The following GNAL variants were observed in gnomAD, a reference collection of about 807,000 sequenced individuals.
The protein encoded by GNAL is guanine nucleotide-binding protein G(olf) subunit alpha.
In GNAL, 18 loss-of-function variants were observed where a neutral mutation model predicts 55.1. The observed-to-expected ratio is 0.33, with a 90% CI of 0.23 to 0.48. GNAL has a LOEUF of 0.48. GNAL is among the 20% of genes least tolerant of loss of function. The pLI is 0.99. For synonymous variants in GNAL, 253 were observed against 237.0 expected (o/e 1.07, Z -0.62); for missense variants, 412 against 614.1 (o/e 0.67, Z 3.48).
chr18:11,842,593 A>G lies in GNAL; in HGVS notation c.722+17578A>G, dbSNP rs528942763. On this transcript the variant is annotated intron_variant, in intron 5 of 11. Transcript: ENST00000334049. The stretch of plus-strand genomic sequence containing the variant: ...CATCAGGCATTCGATTCTCATAAGG[A>G]GCATGCAACCTAGATCCCTCACATG... Among the ~76,000 whole-genome samples the G allele has an allele frequency of 1.3e-3, 190 of 151,988 alleles. 1 individual carries two copies. The highest frequency in any genetic ancestry group is 2.0e-3 in the Non-Finnish European group (139 of 67,994).
At chr18:11,877,739 C>G (rs2036566787) in intron 11 of GNAL, among the ~76,000 whole-genome samples, 1 of 152,212 alleles carries the variant, frequency 6.6e-6, no homozygotes, top group Non-Finnish European at 1.5e-5. Flanking sequence ...GGGACCGGCA[C>G]TCCAGCCTGG....
In GNAL at chr18:11,866,272, C is replaced by T. The variant is rs79694035; in HGVS notation, c.852-896C>T. ...TCATCAAGTATCTCAGCGTGCCCCA[C>T]GTGTGCTAATGTAAAGCGTACGGAT... On this transcript the variant is annotated intron_variant, in intron 7 of 11. Coordinates refer to ENST00000334049, the MANE Select transcript of GNAL (RefSeq NM_182978.4). Among the ~76,000 whole-genome samples the T allele has an allele frequency of 4.6e-3, 693 of 150,350 alleles. 84 individuals are homozygous for T. Among genetic ancestry groups the T allele is most frequent in the African/African-American group, 0.017 (661 of 39,648 alleles).
intron 4 of GNAL, among the ~76,000 whole-genome samples, chr18:11,767,004 G>A (rs2033427236): frequency 6.6e-6 from 1 of 152,174 alleles, no homozygotes; most frequent in Admixed American, 6.5e-5. Flanking sequence ...TGTTCAATCT[G>A]TACCCAACCT....
chr18:11,753,909 G>C lies in GNAL; in HGVS notation c.588G>C (p.Lys196Asn). Residue 196 changes from lysine to asparagine, a missense_variant, in exon 4 of 12, where the codon AAG becomes AAC. Around this residue, in one of 5 missense-constraint regions of GNAL, gnomAD observed 47 missense variants for 82.7 expected, o/e 0.57. Coordinates refer to ENST00000334049, the MANE Select transcript of GNAL (RefSeq NM_182978.4). Reference sequence around the variant, plus strand: ...ACCAATTTCGATCAGACTACATCAAGAGCATAGCCCCTATCACTGACTTTG... The same window carrying C: ...ACCAATTTCGATCAGACTACATCAACAGCATAGCCCCTATCACTGACTTTG... Reference protein sequence around the residue: ...PENQFRSDYIKSIAPITDFEY... With the variant: ...PENQFRSDYINSIAPITDFEY... The C allele has an allele frequency of 6.2e-7, 1 of 1,609,784 alleles. No individual in the cohort carries two copies. Among genetic ancestry groups the C allele is most frequent in the Non-Finnish European group, 8.5e-7 (1 of 1,176,116 alleles).
chr18:11,844,361 G>A (rs1437197087), intron 5 of GNAL, among the ~76,000 whole-genome samples: 3 of 151,498 alleles, frequency 2.0e-5, no homozygotes, highest in Non-Finnish European at 2.9e-5. Context: ...TTGAACCCGG[G>A]AAGCAGAGGT....
intron 4 of GNAL, among the ~76,000 whole-genome samples, chr18:11,775,097 CTTCT>C (rs1328384706): frequency 6.6e-6 from 1 of 152,198 alleles, no homozygotes; most frequent in Non-Finnish European, 1.5e-5. Context: ...TGACTAATGG[CTTCT>C]TTCTAATTCC....
intron 11 of GNAL, among the ~76,000 whole-genome samples, chr18:11,880,381 C>T (rs1037170454): frequency 3.3e-5 from 5 of 152,002 alleles, no homozygotes; most frequent in South Asian, 2.1e-4. Flanking sequence ...CCAGCCTGGC[C>T]AACATGGTGA....
At chr18:11,695,042 C>T (rs558208902) in intron 1 of GNAL, among the ~76,000 whole-genome samples, 1 of 151,986 alleles carries the variant, frequency 6.6e-6, no homozygotes, top group East Asian at 1.9e-4. Flanking sequence ...TGTCCAAATA[C>T]AGTCATGTGG....
intron 1 of GNAL, among the ~76,000 whole-genome samples, chr18:11,748,229 C>T (rs1468618371): frequency 6.6e-6 from 1 of 152,134 alleles, no homozygotes; most frequent in Non-Finnish European, 1.5e-5. Context: ...AAGGAAAGTG[C>T]TTTTATGTTT....
intron 4 of GNAL, among the ~76,000 whole-genome samples, chr18:11,773,468 C>G (rs939199569): frequency 4.6e-5 from 7 of 152,008 alleles, no homozygotes; most frequent in Admixed American, 2.6e-4. Flanking sequence ...AAAATAGTAC[C>G]AAAAATCTCA....
chr18:11,742,340 T>C (rs568528707), intron 1 of GNAL, among the ~76,000 whole-genome samples: 26 of 152,054 alleles, frequency 1.7e-4, no homozygotes, highest in African/African-American at 5.8e-4. Context: ...TCTATTCCTA[T>C]TGAATGATCG....
chr18:11,846,522 C>G (rs905689286), intron 5 of GNAL, among the ~76,000 whole-genome samples: 1 of 150,608 alleles, frequency 6.6e-6, no homozygotes, highest in Non-Finnish European at 1.5e-5. Context: ...GGCTGGAATA[C>G]AGTGGCATGA....
Position 11,868,734 on chromosome 18 carries a change from C to G in GNAL, c.1031+71C>G, listed in dbSNP as rs1188780543. 2.2e-6 allele frequency: 3 copies of G among 1,354,134 alleles called. No individual in the cohort carries two copies. Among genetic ancestry groups the G allele is most frequent in the East Asian group, 2.4e-5 (1 of 42,044 alleles). The allele number at this position is 1,354,134 out of a possible 1,614,324, so 83.9% of individuals were successfully genotyped here. ...TCTTTTGTTAAAAATACGCTCAGGC[C>G]AGGCGTTGTGGCTCACACCTGTAAT... On this transcript the variant is annotated intron_variant, in intron 9 of 11. Transcript: ENST00000334049. The surrounding 1 kb of genome is among the most constrained non-coding windows in gnomAD (Gnocchi z 4.0).
intron 4 of GNAL, among the ~76,000 whole-genome samples, chr18:11,796,642 T>G (rs1286236319): frequency 1.3e-5 from 2 of 149,220 alleles, no homozygotes; most frequent in Non-Finnish European, 3.0e-5. Context: ...AGATAAGCAC[T>G]GCAAACATTC....
rs1166685153 is a variant in GNAL, at chr18:11,689,830, C to T, written c.267C>T (p.Ala89=). The T allele has an allele frequency of 9.1e-6, 14 of 1,537,576 alleles. No homozygotes were observed. The highest frequency in any genetic ancestry group is 1.1e-5 in the Non-Finnish European group (13 of 1,145,112). ...EQLSAEEREA[A]KEREAVKEAR... ...TGAGTGCCGAGGAGCGCGAGGCGGC[C>T]AAGGAGCGCGAGGCGGTCAAGGAGG... Residue 89 remains alanine, a synonymous_variant, in exon 1 of 12, where the codon GCC becomes GCT. Transcript: ENST00000334049.
chr18:11,698,764 T>C (rs997226516), intron 1 of GNAL, among the ~76,000 whole-genome samples: 1 of 152,158 alleles, frequency 6.6e-6, no homozygotes, highest in Non-Finnish European at 1.5e-5. Flanking sequence ...GGAGAGGAAT[T>C]GTCAATCTTT....
chr18:11,851,704 T>A (rs1171945498), intron 5 of GNAL: 1 of 1,613,900 alleles, frequency 6.2e-7, no homozygotes, highest in Non-Finnish European at 8.5e-7. Flanking sequence ...GGCGGTGAAT[T>A]TCTTGAGAAT....
intron 10 of GNAL, among the ~76,000 whole-genome samples, chr18:11,873,424 C>G (rs1598445320): frequency 6.6e-6 from 1 of 152,052 alleles, no homozygotes; most frequent in African/African-American, 2.4e-5. Flanking sequence ...TCATAAAGAC[C>G]CGAAAAAAAT....
rs113122644 is a variant in GNAL at position 11,753,177 on chromosome 18, C to T, written c.449+252C>T. On this transcript the variant is annotated intron_variant, in intron 2 of 11. Transcript: ENST00000334049. ...ATTCTTGGAGTGTTGATCTGTATTACTGGTATTGCTCTGAGCACACTTAAC... is the reference window on the plus strand; with the variant it reads ...ATTCTTGGAGTGTTGATCTGTATTATTGGTATTGCTCTGAGCACACTTAAC... Among the ~76,000 whole-genome samples the T allele has an allele frequency of 7.2e-5, 11 of 152,000 alleles. 1 individual carries two copies. The highest frequency in any genetic ancestry group is 2.2e-4 in the African/African-American group (9 of 41,410).
Sources: allele counts gnomAD v4.1 joint callset (sites outside exome capture counted in the v4.1 genomes callset), GRCh38; gene constraint gnomAD v4.1.1; regional missense constraint gnomAD v4.1.1; non-coding constraint Gnocchi (gnomAD v3.1); transcripts MANE v1.5; gene names NCBI Gene and HGNC (gene_info 2026-07-23, HGNC 2026-07-21).